MAGI1: variants seen among roughly 807,000 people sequenced by gnomAD.
MAGI1 encodes the protein membrane-associated guanylate kinase, WW and PDZ domain-containing protein 1.
In MAGI1, 58 loss-of-function variants were observed where a neutral mutation model predicts 139.9. That is an observed-to-expected ratio of 0.41 (90% CI 0.34 to 0.52). The LOEUF (loss-of-function observed/expected upper bound fraction) is 0.52, where lower values mean the gene tolerates loss of function less well. Ranked by LOEUF, MAGI1 falls within the 20% of genes least tolerant of loss-of-function variation. The pLI is 0.12. For missense variants in MAGI1, 1,874 were observed against 1,901.6 expected (o/e 0.99, Z 0.27); for synonymous variants, 812 against 737.9 (o/e 1.10, Z -1.63).
At chr3:65,612,694 T>C (rs577484377) in intron 2 of MAGI1, among the ~76,000 whole-genome samples, 5 of 152,252 alleles carry the variant, frequency 3.3e-5, no homozygotes, top group Non-Finnish European at 7.4e-5. Flanking sequence ...CAATCCACTA[T>C]AGAAGCCAGA....
At chr3:65,818,470 G>T (rs1229946892) in intron 1 of MAGI1, among the ~76,000 whole-genome samples, 1 of 152,144 alleles carries the variant, frequency 6.6e-6, no homozygotes, top group East Asian at 1.9e-4. Context: ...CCCAGACGTG[G>T]GAGAAAGGAA....
chr3:66,007,787 G>A (rs911985397), intron 1 of MAGI1, among the ~76,000 whole-genome samples: 6 of 151,832 alleles, frequency 4.0e-5, no homozygotes, highest in Non-Finnish European at 8.8e-5. Flanking sequence ...CAGTGTATTT[G>A]CTATACTTTC....
At chr3:65,750,910 C>T (rs2036097457) in intron 1 of MAGI1, among the ~76,000 whole-genome samples, 1 of 152,208 alleles carries the variant, frequency 6.6e-6, no homozygotes, top group Non-Finnish European at 1.5e-5. Context: ...TGCTAGGTGT[C>T]ATGAGACATT....
At chr3:65,958,709 A>T (rs1357212679) in intron 1 of MAGI1, among the ~76,000 whole-genome samples, 1 of 152,202 alleles carries the variant, frequency 6.6e-6, no homozygotes, top group Admixed American at 6.5e-5. Flanking sequence ...ACATTTAGCC[A>T]GGCGGGGGAG....
At chr3:65,408,653 A>T (rs1180253095) in intron 12 of MAGI1, among the ~76,000 whole-genome samples, 2 of 152,204 alleles carry the variant, frequency 1.3e-5, no homozygotes, top group African/African-American at 2.4e-5. Context: ...TTTCCTGCCA[A>T]CCAGTTTTTT....
chr3:65,396,738 C>T (rs1017141073), intron 13 of MAGI1, among the ~76,000 whole-genome samples: 1 of 152,182 alleles, frequency 6.6e-6, no homozygotes, highest in Admixed American at 6.5e-5. Flanking sequence ...ACATGGACAA[C>T]AGGAAAAACT....
At chr3:65,387,348 G>A (rs980946653) in intron 14 of MAGI1, 10 of 621,498 alleles carry the variant, frequency 1.6e-5, no homozygotes, top group African/African-American at 3.8e-5. Flanking sequence ...GGTCATGGCT[G>A]TTATGTTAAA....
chr3:65,423,187 A>G (rs1946755530), intron 12 of MAGI1, among the ~76,000 whole-genome samples: 1 of 152,188 alleles, frequency 6.6e-6, no homozygotes. Context: ...CTGGGGCCCT[A>G]CAGCTCAATC....
intron 1 of MAGI1, among the ~76,000 whole-genome samples, chr3:65,888,168 A>G (rs2060605310): frequency 6.6e-6 from 1 of 152,176 alleles, no homozygotes; most frequent in East Asian, 1.9e-4. Context: ...GCTGCTACAT[A>G]ATTGTGTGTG....
intron 1 of MAGI1, among the ~76,000 whole-genome samples, chr3:65,903,315 T>C (rs1283086705): frequency 6.6e-6 from 1 of 151,934 alleles, no homozygotes; most frequent in African/African-American, 2.4e-5. Context: ...AGTACAGGAG[T>C]GGCAAGTGGA....
chr3:65,445,974 G>C (rs1461131389), intron 7 of MAGI1, among the ~76,000 whole-genome samples: 1 of 152,158 alleles, frequency 6.6e-6, no homozygotes, highest in African/African-American at 2.4e-5. Context: ...AATCTGGAGT[G>C]AATGCAACAG....
At chr3:65,984,170 T>C (rs985733163) in intron 1 of MAGI1, among the ~76,000 whole-genome samples, 8 of 152,268 alleles carry the variant, frequency 5.3e-5, no homozygotes, top group East Asian at 3.9e-4. Flanking sequence ...GGCAGGAACC[T>C]GTAATCCCAG....
intron 5 of MAGI1, among the ~76,000 whole-genome samples, chr3:65,460,399 G>A (rs1405814755): frequency 6.6e-6 from 1 of 151,934 alleles, no homozygotes; most frequent in Admixed American, 6.6e-5. Context: ...TTTTCTGGAA[G>A]ACATTATGTA....
At chr3:65,452,519 AT>A (rs991441071) in intron 6 of MAGI1, 21 of 152,168 alleles carry the variant, frequency 1.4e-4, no homozygotes, top group African/African-American at 5.1e-4. Context: ...TCAAAAAATA[AT>A]TTTGGTAGAA....
chr3:65,603,543 G>C (rs1024595386), intron 2 of MAGI1, among the ~76,000 whole-genome samples: 9 of 152,202 alleles, frequency 5.9e-5, no homozygotes, highest in Admixed American at 5.2e-4. Flanking sequence ...AGATAAAAGG[G>C]AGGCATTACT....
intron 1 of MAGI1, among the ~76,000 whole-genome samples, chr3:65,663,274 T>G (rs570162871): frequency 2.0e-5 from 3 of 152,340 alleles, no homozygotes; most frequent in African/African-American, 7.2e-5. Context: ...AGGATATTTA[T>G]GTATATTTAG....
intron 1 of MAGI1, among the ~76,000 whole-genome samples, chr3:65,922,976 T>C (rs1295191580): frequency 6.6e-6 from 1 of 152,200 alleles, no homozygotes; most frequent in Non-Finnish European, 1.5e-5. Context: ...CATCTGGCTA[T>C]GCTGAACATA....
At chr3:65,798,432 A>C (rs2108113573) in intron 1 of MAGI1, among the ~76,000 whole-genome samples, 1 of 152,258 alleles carries the variant, frequency 6.6e-6, no homozygotes, top group East Asian at 1.9e-4. Flanking sequence ...TGGAGCAGAC[A>C]TCATTCTGAA....
Position 65,360,351 on chromosome 3 carries a change from C to T in MAGI1, c.3634+848G>A, listed in dbSNP as rs61623879. 4.1e-3 allele frequency: 3,704 copies of T among 910,664 alleles called. 91 individuals carry two copies. In the African/African-American group the frequency reaches 0.064, roughly 16 times the overall value. 56.4% of individuals were successfully genotyped at this position (910,664 alleles called of 1,614,324 possible). A position where few individuals can be genotyped will look rare whatever the true frequency, so the allele number is the denominator to read the frequency against. ...CCCTACATCTAGGGCATAGCTTCTT[C>T]TTTTTTTTTTTTTTTTTAATTTTAA... On this transcript the variant is annotated intron_variant, in intron 22 of 22. Coordinates refer to ENST00000402939, the MANE Select transcript of MAGI1 (RefSeq NM_001033057.2).
Sources: gnomAD v4.1 joint callset for allele counts (sites outside exome capture counted in the v4.1 genomes callset) on GRCh38, gnomAD v4.1.1 for gene constraint, MANE v1.5 for transcripts, NCBI Gene and HGNC (gene_info 2026-07-23, HGNC 2026-07-21) for gene names.